Variants in ADSL observed in about 807,000 individuals in gnomAD.
ADSL encodes the protein adenylosuccinate lyase, also known as adenylosuccinase.
A neutral mutation model predicts 62.1 loss-of-function variants in ADSL; 44 were observed. That is an observed-to-expected ratio of 0.71 (90% confidence interval 0.56 to 0.91). The LOEUF (loss-of-function observed/expected upper bound fraction) is 0.91. ADSL is among the 40% of genes least tolerant of loss of function. The pLI is 0.00. For missense variants in ADSL, 531 were observed against 627.4 expected (o/e 0.85, Z 1.64); for synonymous variants, 198 against 220.5 (o/e 0.90, Z 0.90).
At chr22:40,348,865 T>C in intron 1 of ADSL, 1 of 336,406 alleles carries the variant, frequency 3.0e-6, no homozygotes, top group Non-Finnish European at 5.3e-6. Flanking sequence ...TGGATCTAAG[T>C]TCCGAGCTGC....
chr22:40,361,456 C>T lies in ADSL; in HGVS notation c.863-32C>T, dbSNP rs199696938. The T allele has an allele frequency of 2.0e-4, 322 of 1,614,154 alleles. No individual in the cohort carries two copies. The African/African-American group carries it at 3.9e-3, about 19-fold the overall frequency. ...TCACTATCCTCTGAAGTCTCTCTGC[C>T]TTTGCATCTTGTCCTTTTTTTACAT... On this transcript the variant is annotated intron_variant, in intron 8 of 12. Coordinates refer to ENST00000623063, the MANE Select transcript of ADSL (RefSeq NM_000026.4).
intron 4 of ADSL, among the ~76,000 whole-genome samples, chr22:40,356,085 C>T (rs904539349): frequency 2.6e-5 from 4 of 151,270 alleles, no homozygotes; most frequent in African/African-American, 9.7e-5. Context: ...GCCTATAGTC[C>T]CAGCTACTTG....
In ADSL at chr22:40,354,284, A is replaced by C; in HGVS notation, c.439A>C (p.Lys147Gln). ...GATCTCTCGGCTTGCCGACTTTGCT[A>C]AGGAACGAGCCAGTCTACCCACATT... ...RVISRLADFAKERASLPTLGF... is the reference protein window; with the variant it reads ...RVISRLADFAQERASLPTLGF... Residue 147 changes from lysine (K) to glutamine (Q), a missense_variant, in exon 4 of 13, where the codon AAG becomes CAG. Physicochemically the swap from Lys to Gln is moderately conservative, Grantham distance 53. Coordinates refer to ENST00000623063, the MANE Select transcript of ADSL (RefSeq NM_000026.4). The C allele has an allele frequency of 6.2e-7, 1 of 1,614,192 alleles. No individual in the cohort carries two copies. The highest frequency in any genetic ancestry group is 1.1e-5 in the South Asian group (1 of 91,080).
chr22:40,352,524 A>G (rs2044388432), intron 2 of ADSL, among the ~76,000 whole-genome samples: 1 of 152,146 alleles, frequency 6.6e-6, no homozygotes, highest in Admixed American at 6.5e-5. Context: ...CGAGACTCCC[A>G]TCTTAAAAAG....
chr22:40,373,421 C>T (rs1324818426), downstream of ADSL: 1 of 152,198 alleles, frequency 6.6e-6, no homozygotes, highest in Non-Finnish European at 1.5e-5. Flanking sequence ...GACTTCTACC[C>T]TCAACTCTGT....
chr22:40,354,243 T>C lies in ADSL; in HGVS notation c.403-5T>C, dbSNP rs2044463628. The C allele has an allele frequency of 1.2e-6, 2 of 1,613,826 alleles. No homozygotes were observed. Among genetic ancestry groups the C allele is most frequent in the Admixed American group, 3.3e-5 (2 of 60,010 alleles). ...CCTCTTTCTATCACATGATCTTTCT[T>C]GTAGCTTGCCAGAGTGATCTCTCGG... is the stretch of plus-strand genomic sequence containing the variant. On this transcript the variant is annotated splice_polypyrimidine_tract_variant and splice_region_variant and intron_variant, in intron 3 of 12. Coordinates refer to ENST00000623063, the MANE Select transcript of ADSL (RefSeq NM_000026.4).
intron 1 of ADSL, among the ~76,000 whole-genome samples, 174 bp from the exon 2 acceptor site, chr22:40,349,658 C>T (rs1002673579): frequency 2.0e-5 from 3 of 152,092 alleles, no homozygotes; most frequent in Admixed American, 1.3e-4. Context: ...CACCCCACCT[C>T]GACCCCACTA....
rs975412615 is a variant in ADSL, at chr22:40,346,815, C to T, written c.153+104C>T. 5 of 1,273,302 alleles carry T rather than the reference C, an allele frequency of 3.9e-6. No individual in the cohort carries two copies. In the African/African-American group the frequency reaches 5.9e-5, roughly 15 times the overall value. The allele number at this position is 1,273,302 out of a possible 1,614,324, so 78.9% of individuals were successfully genotyped here. A position where few individuals can be genotyped will look rare whatever the true frequency, so the allele number is the denominator to read the frequency against. ...GGCTTAGCCACCCCGGAGCTGCGGC[C>T]CGGCTATTTTCAGCTGGGTGTTCCC... On this transcript the variant is annotated intron_variant, in intron 1 of 12. Transcript: ENST00000623063.
intron 12 of ADSL, among the ~76,000 whole-genome samples, chr22:40,365,699 G>A (rs921541447): frequency 2.6e-5 from 4 of 151,890 alleles, no homozygotes; most frequent in Non-Finnish European, 5.9e-5. Context: ...GTGAAACCTT[G>A]TCTCTACAAA....
At chr22:40,356,201 C>CA (rs938069843) in intron 4 of ADSL, among the ~76,000 whole-genome samples, 2,974 of 126,378 alleles carry the variant, frequency 0.024, 107 homozygotes, top group African/African-American at 0.081. Context: ...GACTCCACCT[C>CA]AAAAAAAAAA....
intron 2 of ADSL, chr22:40,387,378 T>C (rs999216069): frequency 7.7e-6 from 3 of 391,902 alleles, no homozygotes; most frequent in Non-Finnish European, 1.3e-5. Context: ...ATTATATAGA[T>C]GGTAATGGCA....
At chr22:40,382,536 A>G (rs964901921) in intron 2 of ADSL, among the ~76,000 whole-genome samples, 3 of 152,094 alleles carry the variant, frequency 2.0e-5, no homozygotes, top group African/African-American at 7.2e-5. Flanking sequence ...GGTGTGTTCT[A>G]AGAGCTAACC....
At chr22:40,353,763 C>T in intron 3 of ADSL, 1 of 264,432 alleles carries the variant, frequency 3.8e-6, no homozygotes, top group Non-Finnish European at 7.3e-6. Context: ...ACAGCTGGGA[C>T]TACTGGCACC....
intron 2 of ADSL, among the ~76,000 whole-genome samples, chr22:40,352,745 T>C (rs773230405): frequency 1.3e-5 from 2 of 152,222 alleles, no homozygotes; most frequent in African/African-American, 2.4e-5. Context: ...GCAGTCCACC[T>C]GCTTCAGCCT....
chr22:40,383,984 C>T (rs1189851364), intron 2 of ADSL, among the ~76,000 whole-genome samples: 1 of 152,216 alleles, frequency 6.6e-6, no homozygotes, highest in Non-Finnish European at 1.5e-5. Context: ...CATCATGGCT[C>T]ATGCCTGTAA....
At chr22:40,357,264 T>C (rs1272033389) in intron 4 of ADSL, among the ~76,000 whole-genome samples, 1 of 149,228 alleles carries the variant, frequency 6.7e-6, no homozygotes, top group Admixed American at 6.7e-5. Context: ...TTTTTTTTTT[T>C]TTTTTTGACA....
Position 40,349,809 on chromosome 22 carries a change from A to G in ADSL, c.154-23A>G, listed in dbSNP as rs1371545128. On this transcript the variant is annotated intron_variant, in intron 1 of 12. Transcript: ENST00000623063. ...ATAACTGTGACACTGAGACTATTTT[A>G]TTTTATTTTGCCTATTCTGCAGACA... 4.4e-6 allele frequency: 7 copies of G among 1,605,758 alleles called. No individual in the cohort carries two copies. In the South Asian group the frequency reaches 7.7e-5, roughly 18 times the overall value.
chr22:40,372,105 C>T (rs1352624146), downstream of ADSL, among the ~76,000 whole-genome samples: 1 of 142,258 alleles, frequency 7.0e-6, no homozygotes, highest in Non-Finnish European at 1.5e-5. Flanking sequence ...TTTAGTTCTT[C>T]TCCCTGTCCC....
chr22:40,383,143 A>G (rs902695233), intron 2 of ADSL, among the ~76,000 whole-genome samples: 3 of 152,204 alleles, frequency 2.0e-5, no homozygotes, highest in Admixed American at 6.5e-5. Flanking sequence ...GTTTATAGAT[A>G]AGGCACCTAC....
Sources: gnomAD v4.1 joint callset for allele counts (sites outside exome capture counted in the v4.1 genomes callset) on GRCh38, gnomAD v4.1.1 for gene constraint, MANE v1.5 for transcripts, NCBI Gene and HGNC (gene_info 2026-07-23, HGNC 2026-07-21) for gene names.